The following KSR2 variants were observed in gnomAD, a reference collection of about 807,000 sequenced individuals.
KSR2 encodes kinase suppressor of ras 2.
A neutral mutation model predicts 107.8 loss-of-function variants in KSR2; 25 were observed. The ratio of observed to expected loss-of-function variants is 0.23; its 90% CI spans 0.17 to 0.32. KSR2 has a LOEUF of 0.32. Ranked by LOEUF, KSR2 falls within the 10% of genes least tolerant of loss-of-function variation. KSR2 has a pLI of 1.00. For missense variants in KSR2, 887 were observed against 1,268.9 expected, an observed-to-expected ratio of 0.70 and a Z score of 4.57; for synonymous variants, 480 against 507.0, an observed-to-expected ratio of 0.95 and a Z score of 0.71.
chr12:117,815,761 G>A (rs1225030417), intron 3 of KSR2, among the ~76,000 whole-genome samples: 1 of 152,082 alleles, frequency 6.6e-6, no homozygotes, highest in Non-Finnish European at 1.5e-5. Context: ...TGAATCACAA[G>A]GTCAAGAGTT....
intron 14 of KSR2, among the ~76,000 whole-genome samples, chr12:117,505,268 T>C (rs939848030): frequency 4.6e-5 from 7 of 152,160 alleles, no homozygotes; most frequent in Non-Finnish European, 1.0e-4. Flanking sequence ...AGCTATCACA[T>C]CATGTTGAGC....
At chr12:117,636,728 C>A (rs1214435958) in intron 5 of KSR2, among the ~76,000 whole-genome samples, 2 of 152,116 alleles carry the variant, frequency 1.3e-5, no homozygotes, top group Non-Finnish European at 2.9e-5. Context: ...TAGAACAATA[C>A]GTTTATGACC....
intron 5 of KSR2, among the ~76,000 whole-genome samples, chr12:117,595,638 C>T (rs1365270603): frequency 1.3e-5 from 2 of 152,234 alleles, no homozygotes; most frequent in South Asian, 4.1e-4. Flanking sequence ...GCTGGGATTA[C>T]AGGCGTGAGC....
chr12:117,833,937 T>A (rs553668097), intron 3 of KSR2, among the ~76,000 whole-genome samples: 1 of 149,764 alleles, frequency 6.7e-6, no homozygotes, highest in Non-Finnish European at 1.5e-5. Flanking sequence ...AATACCAGCC[T>A]GGGCAACATG....
At chr12:117,652,670 G>A (rs1436420481) in intron 5 of KSR2, among the ~76,000 whole-genome samples, 1 of 152,140 alleles carries the variant, frequency 6.6e-6, no homozygotes, top group African/African-American at 2.4e-5. Context: ...CTTTTAACGG[G>A]GTAACTGTGC....
intron 4 of KSR2, among the ~76,000 whole-genome samples, chr12:117,697,661 A>G (rs868724028): frequency 6.8e-6 from 1 of 147,844 alleles, no homozygotes; most frequent in Non-Finnish European, 1.5e-5. Flanking sequence ...AATCGCTTGA[A>G]CCCAGGAGGC....
At chr12:117,711,738 T>C (rs115133212) in intron 4 of KSR2, among the ~76,000 whole-genome samples, 2,655 of 152,354 alleles carry the variant, frequency 0.017, 73 homozygotes, top group African/African-American at 0.06. Flanking sequence ...AAATTCTCCA[T>C]GGTTCTATGT....
At chr12:117,726,464 G>T (rs1593171898) in intron 4 of KSR2, among the ~76,000 whole-genome samples, 1 of 152,306 alleles carries the variant, frequency 6.6e-6, no homozygotes, top group Middle Eastern at 3.4e-3. Context: ...TTTCCAGCTG[G>T]ATAACCCATT....
chr12:117,847,724 C>T (rs1892753659), intron 3 of KSR2, among the ~76,000 whole-genome samples: 1 of 152,230 alleles, frequency 6.6e-6, no homozygotes, highest in African/African-American at 2.4e-5. Flanking sequence ...GCTCCAGCTC[C>T]CACCACTCTC....
At chr12:117,953,732 T>C (rs1420943753) in intron 1 of KSR2, among the ~76,000 whole-genome samples, 2 of 152,318 alleles carry the variant, frequency 1.3e-5, no homozygotes, top group African/African-American at 2.4e-5. Flanking sequence ...TAGAAGTTGA[T>C]AGTGGTAATG....
intron 4 of KSR2, among the ~76,000 whole-genome samples, chr12:117,760,746 CT>C (rs1181386369): frequency 9.8e-5 from 15 of 152,324 alleles, no homozygotes; most frequent in Admixed American, 3.9e-4. Context: ...GTTCCAATAC[CT>C]TTTATTTACA....
At chr12:117,788,201 C>A (rs963419818) in intron 3 of KSR2, among the ~76,000 whole-genome samples, 1 of 152,160 alleles carries the variant, frequency 6.6e-6, no homozygotes, top group Non-Finnish European at 1.5e-5. Flanking sequence ...TAATAGTTAC[C>A]AAGATCTCCT....
At chr12:117,521,996 G>GCTCATCTGGCACC (rs1565882166) in intron 14 of KSR2, among the ~76,000 whole-genome samples, 1 of 152,154 alleles carries the variant, frequency 6.6e-6, no homozygotes, top group Non-Finnish European at 1.5e-5. Flanking sequence ...CTTCTTTGGG[G>GCTCATCTGGCACC]CTCATCTGGC....
At chr12:117,805,501 T>A (rs1429419048) in intron 3 of KSR2, among the ~76,000 whole-genome samples, 1 of 152,212 alleles carries the variant, frequency 6.6e-6, no homozygotes, top group Non-Finnish European at 1.5e-5. Flanking sequence ...CAGGTCATGA[T>A]GAAATGAGTT....
intron 4 of KSR2, among the ~76,000 whole-genome samples, chr12:117,720,744 G>A (rs916682030): frequency 6.6e-6 from 1 of 152,208 alleles, no homozygotes; most frequent in African/African-American, 2.4e-5. Context: ...TGACAAGGGG[G>A]TCTGGCTTAT....
chr12:117,717,188 C>T (rs541441858), intron 4 of KSR2, among the ~76,000 whole-genome samples: 16 of 152,308 alleles, frequency 1.1e-4, no homozygotes, highest in East Asian at 7.7e-4. Flanking sequence ...TAGACATACT[C>T]CTCTTGTCTT....
intron 4 of KSR2, among the ~76,000 whole-genome samples, chr12:117,730,858 C>T (rs1288978001): frequency 6.6e-6 from 1 of 152,198 alleles, no homozygotes; most frequent in East Asian, 1.9e-4. Flanking sequence ...CGGCTCGCTA[C>T]AACCTCCACC....
intron 7 of KSR2, among the ~76,000 whole-genome samples, chr12:117,577,763 C>A (rs1368463662): frequency 6.6e-6 from 1 of 152,138 alleles, no homozygotes; most frequent in Admixed American, 6.5e-5. Context: ...AAACCACCCC[C>A]ACGATTCAAT....
chr12:117,634,244 T>C (rs1017608733), intron 5 of KSR2, among the ~76,000 whole-genome samples: 1 of 151,966 alleles, frequency 6.6e-6, no homozygotes, highest in African/African-American at 2.4e-5. Context: ...TCTGATCAGG[T>C]AGGGAGAGGG....
Sources: gnomAD v4.1 joint callset for allele counts (sites outside exome capture counted in the v4.1 genomes callset) on GRCh38, gnomAD v4.1.1 for gene constraint, MANE v1.5 for transcripts, NCBI Gene and HGNC (gene_info 2026-07-23, HGNC 2026-07-21) for gene names.